Variants in MAP4K3 observed in about 807,000 individuals in gnomAD.
MAP4K3 encodes MAPK/ERK kinase kinase kinase 3.
MAP4K3 carries 94 observed loss-of-function variants against 143.5 expected under a neutral mutation model. The ratio of observed to expected loss-of-function variants is 0.65; its 90% CI spans 0.55 to 0.78. The LOEUF (loss-of-function observed/expected upper bound fraction) is 0.78, where lower values mean the gene tolerates loss of function less well. Among genes scored for constraint, MAP4K3 ranks in the 30% least tolerant of loss-of-function variants. The pLI is 0.00. For missense variants in MAP4K3, 1,077 were observed against 1,068.1 expected, an observed-to-expected ratio of 1.01 and a Z score of -0.12; for synonymous variants, 416 against 347.2, an observed-to-expected ratio of 1.20 and a Z score of -2.20.
intron 18 of MAP4K3, 145 bp downstream of exon 18, chr2:39,292,628 A>T: frequency 1.4e-6 from 1 of 717,732 alleles, no homozygotes; most frequent in Non-Finnish European, 2.5e-6. Flanking sequence ...ATGTAACTAG[A>T]ATAGAAAAAA....
intron 31 of MAP4K3, among the ~76,000 whole-genome samples, chr2:39,258,133 T>C (rs1680420007): frequency 1.3e-5 from 2 of 152,270 alleles, no homozygotes; most frequent in South Asian, 4.1e-4. Context: ...GGTTTCACCA[T>C]GTTGGCCAGG....
intron 3 of MAP4K3, among the ~76,000 whole-genome samples, chr2:39,349,088 C>T (rs188256581): frequency 6.3e-4 from 96 of 152,296 alleles, no homozygotes; most frequent in Non-Finnish European, 1.0e-3. Context: ...ACACTGCAGT[C>T]CCCTGATTCC....
At chr2:39,429,022 G>A (rs970550687) in intron 1 of MAP4K3, among the ~76,000 whole-genome samples, 11 of 117,344 alleles carry the variant, frequency 9.4e-5, no homozygotes, top group Non-Finnish European at 1.3e-4. Context: ...CCGAAATAGC[G>A]CCACTGCACT....
intron 1 of MAP4K3, among the ~76,000 whole-genome samples, chr2:39,420,425 G>GT (rs1173181747): frequency 2.0e-5 from 3 of 151,896 alleles, no homozygotes; most frequent in East Asian, 3.9e-4. Flanking sequence ...TTTTAATTTT[G>GT]TTTTTTGTTT....
chr2:39,330,968 A>G (rs1396776290), intron 8 of MAP4K3, among the ~76,000 whole-genome samples: 1 of 152,194 alleles, frequency 6.6e-6, no homozygotes. Flanking sequence ...CTGTAAATGA[A>G]TAATGCTAGA....
At position 39,249,656 on chromosome 2, in the gene MAP4K3, G is replaced by A. The variant is rs1429450765; in HGVS notation, c.*962C>T. ...AGGCCAACAAAAGTAAAAATTCCAA[G>A]AGAAATTTGAACCACTTCACTCTAT... On this transcript the variant is annotated 3_prime_UTR_variant, in exon 34 of 34. Coordinates refer to ENST00000263881, the MANE Select transcript of MAP4K3 (RefSeq NM_003618.4). 2 of 152,560 alleles carry A rather than the reference G, an allele frequency of 1.3e-5. No homozygotes were observed. Among genetic ancestry groups the A allele is most frequent in the Admixed American group, 6.5e-5 (1 of 15,280 alleles). The allele number at this position is 152,560 out of a possible 1,614,324, so 9.5% of individuals were successfully genotyped here. A position where few individuals can be genotyped will look rare whatever the true frequency, so the allele number is the denominator to read the frequency against.
chr2:39,390,260 C>T (rs1320925254), intron 1 of MAP4K3, among the ~76,000 whole-genome samples: 2 of 152,162 alleles, frequency 1.3e-5, no homozygotes, highest in East Asian at 3.8e-4. Flanking sequence ...CAGATTGCCA[C>T]ACGATAATCC....
chr2:39,348,355 C>T (rs1057147310), intron 3 of MAP4K3, among the ~76,000 whole-genome samples: 10 of 152,062 alleles, frequency 6.6e-5, no homozygotes, highest in African/African-American at 2.2e-4. Context: ...AAAAAAATCA[C>T]GACTATATAG....
intron 22 of MAP4K3, among the ~76,000 whole-genome samples, chr2:39,282,163 C>T (rs981085602): frequency 6.7e-6 from 1 of 149,866 alleles, no homozygotes; most frequent in South Asian, 2.1e-4. Flanking sequence ...CCACTGCACT[C>T]TAGCCTGGGC....
intron 26 of MAP4K3, among the ~76,000 whole-genome samples, chr2:39,270,798 T>C (rs1332881661): frequency 2.6e-5 from 4 of 152,186 alleles, no homozygotes; most frequent in African/African-American, 9.6e-5. Context: ...TTGTGCTCAC[T>C]GTATGGCAGA....
intron 2 of MAP4K3, among the ~76,000 whole-genome samples, chr2:39,371,279 G>A (rs1666074789): frequency 6.6e-6 from 1 of 152,218 alleles, no homozygotes; most frequent in South Asian, 2.1e-4. Flanking sequence ...AGAGCTGTAT[G>A]TAAAGGGGCA....
In MAP4K3 at chr2:39,333,562, G is replaced by T; in HGVS notation, c.427C>A (p.Leu143Ile). 1 of 1,603,682 alleles carries T rather than the reference G, an allele frequency of 6.2e-7. No individual in the cohort carries two copies. The highest frequency in any genetic ancestry group is 8.5e-7 in the Non-Finnish European group (1 of 1,171,540). ...TTCACATGACCATTATCCGTTAATA[G>T]AATGTTAGCTCCCTTCAAAGTAACA... ...MHRDIKGANI[L>I]LTDNGHVKLA... The change falls in exon 7 of 34, where the codon CTA (leucine) becomes ATA (isoleucine). Residue 143 changes from leucine (L) to isoleucine (I), a missense_variant. Coordinates refer to ENST00000263881, the MANE Select transcript of MAP4K3 (RefSeq NM_003618.4).
intron 15 of MAP4K3, among the ~76,000 whole-genome samples, chr2:39,307,505 T>G (rs1002215874): frequency 1.3e-5 from 2 of 151,944 alleles, no homozygotes; most frequent in Admixed American, 6.6e-5. Flanking sequence ...CTGAATAATA[T>G]ATGTACCATG....
intron 2 of MAP4K3, among the ~76,000 whole-genome samples, chr2:39,357,075 T>C (rs1665632237): frequency 6.6e-6 from 1 of 152,204 alleles, no homozygotes; most frequent in African/African-American, 2.4e-5. Context: ...GACTGTATTT[T>C]AGCCTGGTCA....
chr2:39,267,393 C>CG (rs1297888404), intron 26 of MAP4K3, 146 bp from the exon 27 acceptor site: 1 of 644,712 alleles, frequency 1.6e-6, no homozygotes, highest in African/African-American at 1.8e-5. Context: ...ATAAAAAGGC[C>CG]GGGTGCCATG....
intron 6 of MAP4K3, 72 bp from the exon 7 acceptor site, chr2:39,333,646 T>C (rs1683754749): frequency 1.4e-5 from 11 of 778,998 alleles, no homozygotes; most frequent in East Asian, 5.6e-5. Flanking sequence ...ATAATAAATA[T>C]ACATATTTAA....
chr2:39,311,849 T>G (rs1682947820), intron 13 of MAP4K3, among the ~76,000 whole-genome samples: 1 of 152,214 alleles, frequency 6.6e-6, no homozygotes, highest in Admixed American at 6.5e-5. Context: ...CAATAAATGT[T>G]TATTGTTTAA....
Position 39,278,474 on chromosome 2 carries a change from A to G in MAP4K3, c.1727T>C (p.Ile576Thr). The G allele has an allele frequency of 6.3e-7, 1 of 1,585,840 alleles. No individual in the cohort carries two copies. ...INPDTRDQYLIFGAEEGIYTL... is the reference protein window; with the variant it reads ...INPDTRDQYLTFGAEEGIYTL... The stretch of plus-strand genomic sequence containing the variant: ...ATAAATCCCTTCTTCGGCACCAAAT[A>G]TCAAGTACTGATCTGAAATAAAAGT... The change falls in exon 24 of 34, where the codon ATA becomes ACA. Residue 576 changes from isoleucine to threonine, a missense_variant. Physicochemically the swap from Ile to Thr is moderately conservative, Grantham distance 89. Coordinates refer to ENST00000263881, the MANE Select transcript of MAP4K3 (RefSeq NM_003618.4).
intron 15 of MAP4K3, among the ~76,000 whole-genome samples, chr2:39,301,061 T>G (rs916397441): frequency 2.6e-4 from 40 of 151,976 alleles, no homozygotes; most frequent in African/African-American, 9.4e-4. Context: ...AGCCTCAAAA[T>G]ATAAGGATTT....
Sources: allele counts gnomAD v4.1 joint callset (sites outside exome capture counted in the v4.1 genomes callset), GRCh38; gene constraint gnomAD v4.1.1; transcripts MANE v1.5; gene names NCBI Gene and HGNC (gene_info 2026-07-23, HGNC 2026-07-21).